COL4A3: variants seen among roughly 807,000 people sequenced by gnomAD.
COL4A3 encodes collagen type IV alpha 3 chain.
Under a neutral mutation model 217.4 loss-of-function variants are expected in COL4A3, and 135 were observed. The ratio of observed to expected loss-of-function variants is 0.62; its 90% confidence interval spans 0.54 to 0.72. The LOEUF (loss-of-function observed/expected upper bound fraction) is 0.72. Among genes scored for constraint, COL4A3 ranks in the 30% least tolerant of loss-of-function variants. COL4A3 has a pLI of 0.00. For missense variants in COL4A3, 1,868 were observed against 2,119.9 expected (o/e 0.88, Z 2.33); for synonymous variants, 690 against 736.3 (o/e 0.94, Z 1.02).
rs368444117 is a variant in COL4A3, at chr2:227,168,014, T to C, written c.87+3201T>C. ...GGAGCTTGCTTTTTATCACTCCATA[T>C]TATGTTTTTGGATTTTATCCATGTT... On this transcript the variant is annotated intron_variant, in intron 1 of 51. Transcript: ENST00000396578. Among the ~76,000 whole-genome samples the C allele has an allele frequency of 1.2e-4, 19 of 152,336 alleles. No homozygotes were observed. In the East Asian group the frequency reaches 3.3e-3, roughly 26 times the overall value.
chr2:227,268,762 G>T (rs1004980609), intron 23 of COL4A3: 3 of 152,194 alleles, frequency 2.0e-5, no homozygotes, highest in Non-Finnish European at 2.9e-5. Context: ...ATATCCAGCG[G>T]AAATGTTCTA....
At position 227,282,383 on chromosome 2, in the gene COL4A3, G is replaced by A. The variant is rs2072040353; in HGVS notation, c.2507G>A (p.Gly836Glu). 1.2e-6 allele frequency: 2 copies of A among 1,612,410 alleles called. No homozygotes were observed. The highest frequency in any genetic ancestry group is 1.7e-6 in the Non-Finnish European group (2 of 1,179,614). The part of the protein sequence containing the change: ...KGQQGRRGKT[G>E]PKGDPGIPGL... ...TACACAGGCAGAAGAGGTAAAACGG[G>A]GCCAAAGGGAGACCCAGGAATTCCA... The change falls in exon 32 of 52, where the codon GGG (glycine) becomes GAG (glutamate). Residue 836 changes from glycine to glutamate, a missense_variant. Physicochemically the swap from Gly to Glu is moderately conservative, Grantham distance 98. Coordinates refer to ENST00000396578, the MANE Select transcript of COL4A3 (RefSeq NM_000091.5). The surrounding 1 kb of genome is among the most constrained non-coding windows in gnomAD (Gnocchi z 4.4).
intron 26 of COL4A3, among the ~76,000 whole-genome samples, chr2:227,275,539 T>C (rs1017690402): frequency 1.3e-5 from 2 of 152,176 alleles, no homozygotes; most frequent in African/African-American, 2.4e-5. Context: ...ATAAAATATA[T>C]TATTACCAAA....
At chr2:227,261,573 A>C (rs1269471611) in intron 20 of COL4A3, among the ~76,000 whole-genome samples, 1 of 152,230 alleles carries the variant, frequency 6.6e-6, no homozygotes, top group African/African-American at 2.4e-5. Context: ...TCATCTTTGC[A>C]ATTTATAGTG....
chr2:227,237,995 T>A lies in COL4A3; in HGVS notation c.115T>A (p.Cys39Ser), dbSNP rs1463080946. 1 of 1,610,924 alleles carries A rather than the reference T, an allele frequency of 6.2e-7. No individual in the cohort carries two copies. The highest frequency in any genetic ancestry group is 1.3e-5 in the African/African-American group (1 of 74,848). Residue 39 changes from cysteine (C) to serine (S), a missense_variant, in exon 2 of 52, where the codon TGC (cysteine) becomes AGC (serine). Cys to Ser is a moderately radical substitution (Grantham distance 112). Coordinates refer to ENST00000396578, the MANE Select transcript of COL4A3 (RefSeq NM_000091.5). ...TTGTGTCTGTAAAGACAAAGGCCAG[T>A]GCTTCTGTGACGGGGCCAAAGGGGA... is the stretch of plus-strand genomic sequence containing the variant. ...KGCVCKDKGQCFCDGAKGEKG... is the reference protein window; with the variant it reads ...KGCVCKDKGQSFCDGAKGEKG...
chr2:227,165,973 A>T (rs929059723), intron 1 of COL4A3, among the ~76,000 whole-genome samples: 3 of 152,204 alleles, frequency 2.0e-5, no homozygotes, highest in Admixed American at 6.5e-5. Context: ...ACACACACAC[A>T]TATGAACCCA....
intron 1 of COL4A3, among the ~76,000 whole-genome samples, chr2:227,199,430 G>A (rs553760561): frequency 4.9e-4 from 74 of 152,266 alleles, no homozygotes; most frequent in Non-Finnish European, 8.4e-4. Flanking sequence ...ATATAACCAG[G>A]TAATCAATGC....
intron 48 of COL4A3, 127 bp downstream of exon 48, chr2:227,308,046 G>A: frequency 2.4e-6 from 2 of 848,768 alleles, no homozygotes; most frequent in Middle Eastern, 3.3e-4. Flanking sequence ...ACATTTTAAA[G>A]AGAGCAAATA....
intron 1 of COL4A3, among the ~76,000 whole-genome samples, chr2:227,213,656 C>T (rs1327862601): frequency 1.3e-5 from 2 of 152,084 alleles, no homozygotes; most frequent in African/African-American, 2.4e-5. Context: ...GTAGTCCCAG[C>T]ACTTTGGGAG....
rs144562515 is a variant in COL4A3, at chr2:227,300,673, A to G, written c.3882+1861A>G. Among the ~76,000 whole-genome samples, 22 of 152,322 alleles carry G rather than the reference A, an allele frequency of 1.4e-4. No individual in the cohort carries two copies. In the East Asian group the frequency reaches 4.2e-3, roughly 29 times the overall value. ...AAAAAGCTACAGTCCCTTGCCCTAG[A>G]GGAGCCCACAATAAAGTGAGGGTGA... On this transcript the variant is annotated intron_variant, in intron 43 of 51. Transcript: ENST00000396578.
At chr2:227,300,711 C>T (rs11904284) in intron 43 of COL4A3, among the ~76,000 whole-genome samples, 8,875 of 152,178 alleles carry the variant, frequency 0.058, 662 homozygotes, top group African/African-American at 0.17. Flanking sequence ...GACACAGAGA[C>T]GGCCATTTTC....
chr2:227,181,920 G>A (rs528376603), intron 1 of COL4A3, among the ~76,000 whole-genome samples: 4 of 152,090 alleles, frequency 2.6e-5, no homozygotes, highest in Admixed American at 1.3e-4. Context: ...TAATACTAAT[G>A]AGCAAAAACA....
At chr2:227,202,204 C>G (rs1242350074) in intron 1 of COL4A3, among the ~76,000 whole-genome samples, 1 of 152,174 alleles carries the variant, frequency 6.6e-6, no homozygotes, top group Non-Finnish European at 1.5e-5. Context: ...CACACCAGTT[C>G]TAGCTTGCCT....
intron 1 of COL4A3, among the ~76,000 whole-genome samples, chr2:227,218,865 C>G (rs2067638922): frequency 6.6e-6 from 1 of 152,118 alleles, no homozygotes; most frequent in African/African-American, 2.4e-5. Context: ...GTAAAAAAAG[C>G]AGAATTAATA....
chr2:227,256,027 G>A lies in COL4A3; in HGVS notation c.890G>A (p.Gly297Glu), dbSNP rs1422638161. 2.5e-6 allele frequency: 4 copies of A among 1,613,836 alleles called. No individual in the cohort carries two copies. Among genetic ancestry groups the A allele is most frequent in the Non-Finnish European group, 8.5e-7 (1 of 1,179,824 alleles). Reference protein sequence around the residue: ...KGAPGDPGLQGKPGKDGVPGF... With the variant: ...KGAPGDPGLQEKPGKDGVPGF... The stretch of plus-strand genomic sequence containing the variant: ...GTTTTTGATTTGTTTTTGCTGTAGG[G>A]AAAACCCGGAAAAGATGGTGTTCCT... Residue 297 changes from glycine to glutamate, a missense_variant and splice_region_variant, in exon 16 of 52, where the codon GGA becomes GAA. Gly to Glu is a moderately conservative substitution (Grantham distance 98). This residue lies in a region of COL4A3 where 1,503 missense variants were observed against 1,786.1 expected (regional missense o/e 0.84). Transcript: ENST00000396578.
At chr2:227,249,212 G>GCATATATATATATATATATA (rs1553751604) in intron 9 of COL4A3, among the ~76,000 whole-genome samples, 2 of 33,230 alleles carry the variant, frequency 6.0e-5, no homozygotes, top group African/African-American at 1.0e-4. Flanking sequence ...AAATTAGCTA[G>GCATATATATATATATATATA]TATATATATA....
intron 1 of COL4A3, among the ~76,000 whole-genome samples, chr2:227,204,272 ATGTC>A (rs1240594310): frequency 1.3e-5 from 2 of 152,170 alleles, no homozygotes; most frequent in Non-Finnish European, 2.9e-5. Flanking sequence ...ACTTAGAACA[ATGTC>A]TGTCACATGA....
intron 1 of COL4A3, among the ~76,000 whole-genome samples, chr2:227,180,617 T>C (rs2065840324): frequency 6.6e-6 from 1 of 152,216 alleles, no homozygotes; most frequent in Admixed American, 6.5e-5. Flanking sequence ...GTGACAGTTT[T>C]GGGCAAGTCA....
intron 17 of COL4A3, chr2:227,256,622 T>G (rs2070196248): frequency 1.4e-6 from 1 of 715,198 alleles, no homozygotes; most frequent in African/African-American, 1.7e-5. Flanking sequence ...CTTGAAGCTG[T>G]CTGACTTAGG....
Sources: allele counts gnomAD v4.1 joint callset (sites outside exome capture counted in the v4.1 genomes callset), GRCh38; gene constraint gnomAD v4.1.1; regional missense constraint gnomAD v4.1.1; non-coding constraint Gnocchi (gnomAD v3.1); transcripts MANE v1.5; gene names NCBI Gene and HGNC (gene_info 2026-07-23, HGNC 2026-07-21).